The following PCDHGA8 variants were observed in gnomAD, a reference collection of about 807,000 sequenced individuals.
PCDHGA8 encodes protocadherin gamma-A8.
In PCDHGA8, 45 loss-of-function variants were observed where a neutral mutation model predicts 59.2. The ratio of observed to expected loss-of-function variants is 0.76; its 90% confidence interval spans 0.60 to 0.98. The LOEUF is 0.98. Among genes scored for constraint, PCDHGA8 ranks in the 50% least tolerant of loss-of-function variants. The probability of loss-of-function intolerance (pLI) is 0.00; values close to 1 mark genes in which losing one functional copy is unlikely to be tolerated. For missense variants in PCDHGA8, 1,257 were observed against 1,196.2 expected, an observed-to-expected ratio of 1.05 and a Z score of -0.75; for synonymous variants, 531 against 519.0, an observed-to-expected ratio of 1.02 and a Z score of -0.32.
At chr5:141,397,395 C>G (rs1382237446) in intron 1 of PCDHGA8, among the ~76,000 whole-genome samples, 1 of 152,048 alleles carries the variant, frequency 6.6e-6, no homozygotes, top group Non-Finnish European at 1.5e-5. Flanking sequence ...ATTGCCACAA[C>G]TTTACAAAAT....
At chr5:141,453,093 C>A (rs1408495535) in intron 1 of PCDHGA8, among the ~76,000 whole-genome samples, 1 of 151,928 alleles carries the variant, frequency 6.6e-6, no homozygotes, top group African/African-American at 2.4e-5. Context: ...AGTATATTTT[C>A]TGTTGCTTTT....
At chr5:141,456,815 T>A (rs867637586) in intron 1 of PCDHGA8, among the ~76,000 whole-genome samples, 5 of 151,934 alleles carry the variant, frequency 3.3e-5, no homozygotes, top group Non-Finnish European at 7.4e-5. Flanking sequence ...ATACAAAAAA[T>A]TAGCCATCGT....
intron 1 of PCDHGA8, chr5:141,420,929 G>A (rs1321290902): frequency 1.4e-5 from 5 of 362,196 alleles, no homozygotes; most frequent in Non-Finnish European, 2.5e-5. Flanking sequence ...AAAGGTGAGC[G>A]TAATCATTTC....
chr5:141,476,613 G>T lies in PCDHGA8; in HGVS notation c.2425-18194G>T. On this transcript the variant is annotated intron_variant, in intron 1 of 3. Coordinates refer to ENST00000398604, the MANE Select transcript of PCDHGA8 (RefSeq NM_032088.2). The surrounding 1 kb of genome is among the most constrained non-coding windows in gnomAD (Gnocchi z 7.6). ...AGCGCGCACGATCCCGATGTGGGAA[G>T]CAACTCTTTACAAACCTATGAGCTG... 2 of 1,614,266 alleles carry T rather than the reference G, an allele frequency of 1.2e-6. No homozygotes were observed. The highest frequency in any genetic ancestry group is 2.7e-5 in the African/African-American group (2 of 75,078).
chr5:141,501,343 C>T (rs1202291965), intron 2 of PCDHGA8, among the ~76,000 whole-genome samples: 1 of 150,430 alleles, frequency 6.6e-6, no homozygotes, highest in Non-Finnish European at 1.5e-5. Context: ...ACCCCAAACT[C>T]AATAGGGCAA....
intron 1 of PCDHGA8, among the ~76,000 whole-genome samples, chr5:141,436,742 G>A (rs568532036): frequency 3.9e-4 from 59 of 152,304 alleles, no homozygotes; most frequent in Non-Finnish European, 7.1e-4. Flanking sequence ...ATTTTTGTGT[G>A]CTTCTCCATA....
At position 141,486,765 on chromosome 5, in the gene PCDHGA8, T is replaced by C; in HGVS notation, c.2425-8042T>C. On this transcript the variant is annotated intron_variant, in intron 1 of 3. Transcript: ENST00000398604. This position sits in a 1 kb window ranked among gnomAD's most constrained non-coding sequence, Gnocchi z 5.0. ...TTTGACTATGAGCAAACCCAGACACTGCAGTTTGAGGTGCAGGCCCGGGAT... is the reference window on the plus strand; with the variant it reads ...TTTGACTATGAGCAAACCCAGACACCGCAGTTTGAGGTGCAGGCCCGGGAT... 4 of 1,614,230 alleles carry C rather than the reference T, an allele frequency of 2.5e-6. No individual in the cohort carries two copies. Among genetic ancestry groups the C allele is most frequent in the Non-Finnish European group, 3.4e-6 (4 of 1,180,038 alleles).
At chr5:141,415,266 G>T in intron 1 of PCDHGA8, 1 of 1,614,218 alleles carries the variant, frequency 6.2e-7, no homozygotes, top group Non-Finnish European at 8.5e-7. Flanking sequence ...CTCTGTACCT[G>T]GTGGTAGCGG....
At chr5:141,419,694 G>A in intron 1 of PCDHGA8, 1 of 1,612,974 alleles carries the variant, frequency 6.2e-7, no homozygotes, top group Non-Finnish European at 8.5e-7. Context: ...GTGCAGGCCA[G>A]TGAGCCCGGG....
chr5:141,399,775 G>T, intron 1 of PCDHGA8: 3 of 1,613,282 alleles, frequency 1.9e-6, no homozygotes, highest in Non-Finnish European at 2.5e-6. Context: ...GTTGGTGGGC[G>T]ACCGAAACGA....
rs2099884159 is a variant in PCDHGA8 at position 141,512,278 on chromosome 5, G to A, written c.*1105G>A. 6.5e-6 allele frequency: 1 copy of A among 152,812 alleles called. No homozygotes were observed. Among genetic ancestry groups the A allele is most frequent in the Non-Finnish European group, 1.5e-5 (1 of 68,170 alleles). 9.5% of individuals were successfully genotyped at this position (152,812 alleles called of 1,614,324 possible). A position where few individuals can be genotyped will look rare whatever the true frequency, so the allele number is the denominator to read the frequency against. ...TGCTGGGTACTCCAGAGGTGCCACT[G>A]GTGGAAGGGTCAGCGGAGCCCCAGC... On this transcript the variant is annotated 3_prime_UTR_variant, in exon 4 of 4. Coordinates refer to ENST00000398604, the MANE Select transcript of PCDHGA8 (RefSeq NM_032088.2).
chr5:141,492,948 CA>C (rs2099745260), intron 1 of PCDHGA8, among the ~76,000 whole-genome samples: 1 of 152,188 alleles, frequency 6.6e-6, no homozygotes, highest in Non-Finnish European at 1.5e-5. Flanking sequence ...TGGAGGTGAC[CA>C]AACTATCTGA....
At chr5:141,478,161 C>T (rs201111122) in intron 1 of PCDHGA8, 20 of 1,613,852 alleles carry the variant, frequency 1.2e-5, no homozygotes, top group Admixed American at 3.3e-5. Context: ...TCTGGCTCTG[C>T]CCCCCGGGAG....
At chr5:141,496,329 C>T (rs1435070517) in intron 2 of PCDHGA8, among the ~76,000 whole-genome samples, 2 of 152,186 alleles carry the variant, frequency 1.3e-5, no homozygotes, top group South Asian at 4.1e-4. Context: ...AGTTAGAAGT[C>T]AGGAGCCTGG....
Position 141,431,137 on chromosome 5 carries a change from T to G in PCDHGA8, c.2424+35900T>G. 3 of 1,614,212 alleles carry G rather than the reference T, an allele frequency of 1.9e-6. No individual in the cohort carries two copies. The highest frequency in any genetic ancestry group is 2.2e-5 in the South Asian group (2 of 91,084). On this transcript the variant is annotated intron_variant, in intron 1 of 3. Coordinates refer to ENST00000398604, the MANE Select transcript of PCDHGA8 (RefSeq NM_032088.2). This position sits in a 1 kb window ranked among gnomAD's most constrained non-coding sequence, Gnocchi z 4.8. Reference sequence around the variant, plus strand: ...GAGTAGAAGTAGAAGTAAGGGACATTAACGACAATGCGCCTTACTTTCGTG... The same window carrying G: ...GAGTAGAAGTAGAAGTAAGGGACATGAACGACAATGCGCCTTACTTTCGTG...
chr5:141,483,289 A>G (rs1446467890), intron 1 of PCDHGA8, among the ~76,000 whole-genome samples: 3 of 152,194 alleles, frequency 2.0e-5, no homozygotes, highest in Admixed American at 2.0e-4. Flanking sequence ...TCTGTCAGTC[A>G]TAAGTGAAGG....
rs544291535 is a variant in PCDHGA8 at position 141,433,938 on chromosome 5, C to T, written c.2424+38701C>T. 4.6e-5 allele frequency among the ~76,000 whole-genome samples: 7 copies of T among 151,784 alleles called. No homozygotes were observed. The South Asian group carries it at 1.3e-3, about 27-fold the overall frequency. On this transcript the variant is annotated intron_variant, in intron 1 of 3. Coordinates refer to ENST00000398604, the MANE Select transcript of PCDHGA8 (RefSeq NM_032088.2). ...CCTCCAAATGAAGATTTTATAATTCCATTGTTTCTTCTACAGTTGTTAATT... is the reference window on the plus strand; with the variant it reads ...CCTCCAAATGAAGATTTTATAATTCTATTGTTTCTTCTACAGTTGTTAATT...
intron 1 of PCDHGA8, among the ~76,000 whole-genome samples, chr5:141,462,382 C>T (rs80320684): frequency 0.016 from 2,433 of 152,148 alleles, 70 homozygotes; most frequent in African/African-American, 0.055. Flanking sequence ...CTTTTAAATT[C>T]GTTAACATTT....
chr5:141,405,800 C>T (rs1034546914), intron 1 of PCDHGA8, among the ~76,000 whole-genome samples: 11 of 147,346 alleles, frequency 7.5e-5, no homozygotes, highest in African/African-American at 2.5e-4. Flanking sequence ...TTATAGTTAG[C>T]TTTCTCTTTA....
Sources: gnomAD v4.1 joint callset for allele counts (sites outside exome capture counted in the v4.1 genomes callset) on GRCh38, gnomAD v4.1.1 for gene constraint, Gnocchi (gnomAD v3.1) non-coding constraint, MANE v1.5 for transcripts, NCBI Gene and HGNC (gene_info 2026-07-23, HGNC 2026-07-21) for gene names.